MEF2C: variants seen among roughly 807,000 people sequenced by gnomAD.
MEF2C encodes the protein myocyte-specific enhancer factor 2C.
A neutral mutation model predicts 50.5 loss-of-function variants in MEF2C; 6 were observed. The ratio of observed to expected loss-of-function variants is 0.12; its 90% CI spans 0.07 to 0.23. MEF2C has a LOEUF of 0.23. Among genes scored for constraint, MEF2C ranks in the 10% least tolerant of loss-of-function variants. The pLI is 1.00. For missense variants in MEF2C, 276 were observed against 605.0 expected, an observed-to-expected ratio of 0.46 and a Z score of 5.70; for synonymous variants, 183 against 228.0, an observed-to-expected ratio of 0.80 and a Z score of 1.78.
intron 3 of MEF2C, among the ~76,000 whole-genome samples, chr5:88,767,208 A>T (rs554006711): frequency 6.6e-6 from 1 of 152,290 alleles, no homozygotes; most frequent in Non-Finnish European, 1.5e-5. Flanking sequence ...ACTGTTTTGT[A>T]CGCTTATGTG....
At chr5:88,860,793 CTA>C (rs1825235673) in intron 1 of MEF2C, among the ~76,000 whole-genome samples, 1 of 152,094 alleles carries the variant, frequency 6.6e-6, no homozygotes, top group African/African-American at 2.4e-5. Context: ...GTTTCACTGA[CTA>C]CACATTGGAG....
intron 6 of MEF2C, chr5:88,735,894 G>A: frequency 1.0e-6 from 1 of 985,276 alleles, no homozygotes; most frequent in South Asian, 4.7e-5. Flanking sequence ...TCTTTTATTT[G>A]GATGTTTAGG....
At chr5:88,826,865 A>C (rs1811092322) in intron 1 of MEF2C, among the ~76,000 whole-genome samples, 1 of 151,592 alleles carries the variant, frequency 6.6e-6, no homozygotes, top group African/African-American at 2.4e-5. Context: ...GGAAAGAAGC[A>C]TTCTTAGAAA....
chr5:88,748,289 G>A (rs1420801533), intron 6 of MEF2C: 2 of 641,130 alleles, frequency 3.1e-6, no homozygotes, highest in Non-Finnish European at 3.9e-6. Context: ...ATAACCTTGT[G>A]TCATTCATGC....
Position 88,776,289 on chromosome 5 carries a change from G to A in MEF2C, c.259-14961C>T, listed in dbSNP as rs116183573. On this transcript the variant is annotated intron_variant, in intron 3 of 10. Transcript: ENST00000504921. ...TGCCATTTTGTTATGTGTATACAATGTGGCATGATTAAATCTAACTAATTA... is the reference window on the plus strand; with the variant it reads ...TGCCATTTTGTTATGTGTATACAATATGGCATGATTAAATCTAACTAATTA... Among the ~76,000 whole-genome samples the A allele has an allele frequency of 6.2e-3, 941 of 152,242 alleles. 14 individuals carry two copies. Among genetic ancestry groups the A allele is most frequent in the African/African-American group, 0.022 (907 of 41,560 alleles).
intron 2 of MEF2C, chr5:88,819,411 C>A: frequency 1.0e-6 from 1 of 983,144 alleles, no homozygotes; most frequent in Non-Finnish European, 1.2e-6. Context: ...TATCTGGGTC[C>A]TGTCTAACAT....
upstream of MEF2C, chr5:88,888,055 T>C (rs1834180925): frequency 6.6e-6 from 1 of 152,216 alleles, no homozygotes; most frequent in African/African-American, 2.4e-5. Flanking sequence ...TGCAATGCAG[T>C]TGAGGTTACT....
intron 1 of MEF2C, among the ~76,000 whole-genome samples, chr5:88,869,265 A>G (rs986753420): frequency 0.011 from 841 of 74,436 alleles, 19 homozygotes; most frequent in African/African-American, 0.062. Context: ...ATATATATAT[A>G]TATATATATA....
At chr5:88,784,416 T>C (rs1373202907) in intron 3 of MEF2C, among the ~76,000 whole-genome samples, 2 of 152,226 alleles carry the variant, frequency 1.3e-5, no homozygotes, top group Non-Finnish European at 2.9e-5. Context: ...TGATAAATTA[T>C]GTATAACATA....
chr5:88,897,863 G>GATGTTAAC (rs1181575458), intron 1 of MEF2C, among the ~76,000 whole-genome samples: 1 of 152,158 alleles, frequency 6.6e-6, no homozygotes, highest in African/African-American at 2.4e-5. Context: ...TCCTTGTGAG[G>GATGTTAAC]ATGTTAACAG....
chr5:88,749,827 G>A (rs1271730047), intron 5 of MEF2C, among the ~76,000 whole-genome samples: 1 of 152,116 alleles, frequency 6.6e-6, no homozygotes, highest in Non-Finnish European at 1.5e-5. Context: ...TCAGGAGATA[G>A]AGACCATCCT....
chr5:88,847,311 T>TA (rs1366078515), intron 1 of MEF2C, among the ~76,000 whole-genome samples: 7 of 152,348 alleles, frequency 4.6e-5, no homozygotes, highest in African/African-American at 1.7e-4. Flanking sequence ...GATATTCTAG[T>TA]ATGTTATAAT....
chr5:88,827,339 A>G (rs1811321197), intron 1 of MEF2C: 1 of 152,046 alleles, frequency 6.6e-6, no homozygotes, highest in Non-Finnish European at 1.5e-5. Context: ...AAACACGCAC[A>G]CAGACTGGTC....
At chr5:88,868,339 C>T (rs989641133) in intron 1 of MEF2C, among the ~76,000 whole-genome samples, 5 of 152,116 alleles carry the variant, frequency 3.3e-5, no homozygotes, top group African/African-American at 4.8e-5. Context: ...TATTCAGTTT[C>T]GGTGAATACT....
chr5:88,900,782 A>G (rs1370485808), intron 1 of MEF2C, among the ~76,000 whole-genome samples: 1 of 151,978 alleles, frequency 6.6e-6, no homozygotes, highest in Non-Finnish European at 1.5e-5. Flanking sequence ...TAATTAGAAA[A>G]AAAATCCCTG....
chr5:88,753,344 C>G (rs538802241), intron 4 of MEF2C, among the ~76,000 whole-genome samples: 1 of 152,188 alleles, frequency 6.6e-6, no homozygotes, highest in Non-Finnish European at 1.5e-5. Context: ...AAACTCTTTT[C>G]TTTCACACAT....
chr5:88,864,010 C>T (rs1052039518), intron 1 of MEF2C, among the ~76,000 whole-genome samples: 8 of 151,750 alleles, frequency 5.3e-5, no homozygotes, highest in African/African-American at 1.5e-4. Context: ...TTAGTAGAGA[C>T]GAGGTTTCAC....
chr5:88,893,323 T>C (rs1834788305), intron 1 of MEF2C, among the ~76,000 whole-genome samples: 1 of 151,340 alleles, frequency 6.6e-6, no homozygotes, highest in Non-Finnish European at 1.5e-5. Context: ...TCTTTTCTTT[T>C]TTTTTTTTAT....
chr5:88,881,231 T>C (rs1249849163), intron 1 of MEF2C: 1 of 152,202 alleles, frequency 6.6e-6, no homozygotes, highest in African/African-American at 2.4e-5. Flanking sequence ...CATAGCTAAA[T>C]GTACTTTTCT....
Sources: gnomAD v4.1 joint callset for allele counts (sites outside exome capture counted in the v4.1 genomes callset) on GRCh38, gnomAD v4.1.1 for gene constraint, MANE v1.5 for transcripts, NCBI Gene and HGNC (gene_info 2026-07-23, HGNC 2026-07-21) for gene names.